ARRB1: variants seen among roughly 807,000 people sequenced by gnomAD.
ARRB1 encodes the protein beta-arrestin-1.
ARRB1 carries 21 observed loss-of-function variants against 56.8 expected under a neutral mutation model. The ratio of observed to expected loss-of-function variants is 0.37; its 90% CI spans 0.26 to 0.53. ARRB1 has a LOEUF of 0.53. Among genes scored for constraint, ARRB1 ranks in the 20% least tolerant of loss-of-function variants. The pLI is 0.88. For synonymous variants in ARRB1, 210 were observed against 218.6 expected (o/e 0.96, Z 0.35); for missense variants, 424 against 553.7 (o/e 0.77, Z 2.35).
intron 1 of ARRB1, among the ~76,000 whole-genome samples, chr11:75,311,226 C>T (rs1446926449): frequency 6.6e-6 from 1 of 152,172 alleles, no homozygotes; most frequent in African/African-American, 2.4e-5. Flanking sequence ...ATCCCAGCTA[C>T]TTGGGAAGCT....
At chr11:75,305,003 T>C (rs1027444092) in intron 1 of ARRB1, among the ~76,000 whole-genome samples, 1 of 143,172 alleles carries the variant, frequency 7.0e-6, no homozygotes, top group Non-Finnish European at 1.5e-5. Context: ...TTCTTTTCTT[T>C]TCTTTTCTTT....
intron 1 of ARRB1, among the ~76,000 whole-genome samples, chr11:75,301,245 G>A (rs1946898175): frequency 6.6e-6 from 1 of 152,188 alleles, no homozygotes. Flanking sequence ...GAGGCCTGGA[G>A]AGGGCAACTG....
Position 75,272,427 on chromosome 11 carries a change from G to A in ARRB1, c.998+468C>T, listed in dbSNP as rs565452942. ...TGTCTGGGCCTCTGTTTCACCATCT[G>A]TAAAATGGGAAAGCTGACTAGCAAA... On this transcript the variant is annotated intron_variant, in intron 12 of 15. Transcript: ENST00000420843. Among the ~76,000 whole-genome samples the A allele has an allele frequency of 2.0e-5, 3 of 152,356 alleles. No individual in the cohort carries two copies. In the South Asian group the frequency reaches 6.2e-4, roughly 32 times the overall value.
At chr11:75,297,778 T>C (rs992740461) in intron 1 of ARRB1, among the ~76,000 whole-genome samples, 8 of 138,446 alleles carry the variant, frequency 5.8e-5, no homozygotes, top group African/African-American at 1.7e-4. Flanking sequence ...GGCAGGAGAA[T>C]CGCTTGAACC....
At chr11:75,330,723 C>A (rs1479545227) in intron 1 of ARRB1, among the ~76,000 whole-genome samples, 4 of 152,156 alleles carry the variant, frequency 2.6e-5, no homozygotes, top group African/African-American at 9.7e-5. Flanking sequence ...AAAAATAGCA[C>A]CTGGCATCAT....
intron 6 of ARRB1, 116 bp from the exon 7 acceptor site, chr11:75,281,258 C>T (rs1946330100): frequency 3.1e-6 from 3 of 981,562 alleles, no homozygotes; most frequent in Admixed American, 4.1e-5. Context: ...CAAGCTCCCA[C>T]AGCCCAGCCT....
chr11:75,323,205 C>T (rs1394854000), intron 1 of ARRB1, among the ~76,000 whole-genome samples: 1 of 152,236 alleles, frequency 6.6e-6, no homozygotes, highest in African/African-American at 2.4e-5. Context: ...GAGCTCTTCC[C>T]AAACTCCTGA....
At chr11:75,292,052 T>G (rs1379575000) in intron 1 of ARRB1, among the ~76,000 whole-genome samples, 1 of 152,220 alleles carries the variant, frequency 6.6e-6, no homozygotes, top group Admixed American at 6.5e-5. Flanking sequence ...CTGATGAGTG[T>G]GAGCATGGCT....
rs1394290761 is a variant in ARRB1, at chr11:75,274,187, C to T, written c.801G>A (p.Thr267=). Reference sequence around the variant, plus strand: ...GGGTCAGTGTGTAGACCTTGCAGAACGTCGAGCTGGGTGCCACAGTGTCAC... The same window carrying T: ...GGGTCAGTGTGTAGACCTTGCAGAATGTCGAGCTGGGTGCCACAGTGTCAC... ...EADDTVAPSS[T]FCKVYTLTPF... The change falls in exon 11 of 16, where the codon ACG becomes ACA. Residue 267 remains threonine (T), a synonymous_variant. Transcript: ENST00000420843. 1.2e-5 allele frequency: 20 copies of T among 1,614,182 alleles called. No homozygotes were observed. Among genetic ancestry groups the T allele is most frequent in the East Asian group, 2.2e-5 (1 of 44,866 alleles).
chr11:75,302,498 C>G (rs1417036752), intron 1 of ARRB1, among the ~76,000 whole-genome samples: 2 of 152,206 alleles, frequency 1.3e-5, no homozygotes, highest in African/African-American at 4.8e-5. Context: ...AAAGAGCCCA[C>G]AGACTGCGCC....
At chr11:75,304,646 T>C (rs1447376224) in intron 1 of ARRB1, among the ~76,000 whole-genome samples, 1 of 151,340 alleles carries the variant, frequency 6.6e-6, no homozygotes, top group Non-Finnish European at 1.5e-5. Context: ...CTGTCATGAT[T>C]TGGGGAAGAG....
intron 1 of ARRB1, among the ~76,000 whole-genome samples, chr11:75,307,740 A>T (rs866070796): frequency 6.6e-6 from 1 of 151,420 alleles, no homozygotes; most frequent in African/African-American, 2.4e-5. Flanking sequence ...TCCCACTCCA[A>T]CTCCCCATTT....
chr11:75,282,752 G>GTGAC (rs1301503904), intron 5 of ARRB1, among the ~76,000 whole-genome samples: 1 of 152,188 alleles, frequency 6.6e-6, no homozygotes, highest in Admixed American at 6.5e-5. Flanking sequence ...CGTAGAAAAG[G>GTGAC]TGACTCCATG....
intron 1 of ARRB1, among the ~76,000 whole-genome samples, chr11:75,338,289 G>T (rs117147721): frequency 0.017 from 2,641 of 152,290 alleles, 34 homozygotes; most frequent in Middle Eastern, 0.095. Flanking sequence ...GGACTGAGCA[G>T]AAAGACAGCA....
intron 1 of ARRB1, among the ~76,000 whole-genome samples, chr11:75,321,231 C>A (rs1021018631): frequency 3.3e-5 from 5 of 151,760 alleles, no homozygotes; most frequent in African/African-American, 1.2e-4. Context: ...AAATCCCACC[C>A]CACGTGGAAG....
chr11:75,351,621 C>T lies in ARRB1; in HGVS notation c.-14G>A, dbSNP rs759408625. On this transcript the variant is annotated 5_prime_UTR_variant, in exon 1 of 16. Transcript: ENST00000420843. ...TTTGTCGCCCATGGTCCGCGACGGTCGCAGGGAGGTCCGCGGCGTCAGCGC... is the reference window on the plus strand; with the variant it reads ...TTTGTCGCCCATGGTCCGCGACGGTTGCAGGGAGGTCCGCGGCGTCAGCGC... The T allele has an allele frequency of 2.1e-6, 3 of 1,405,492 alleles. No homozygotes were observed. Among genetic ancestry groups the T allele is most frequent in the Non-Finnish European group, 2.8e-6 (3 of 1,077,848 alleles). 87.1% of individuals were successfully genotyped at this position (1,405,492 alleles called of 1,614,324 possible). A position where few individuals can be genotyped will look rare whatever the true frequency, so the allele number is the denominator to read the frequency against.
intron 1 of ARRB1, among the ~76,000 whole-genome samples, chr11:75,292,868 C>G (rs1273439878): frequency 6.6e-6 from 1 of 152,164 alleles, no homozygotes; most frequent in African/African-American, 2.4e-5. Context: ...AGGTAATTAG[C>G]TCAAGGCTCA....
chr11:75,335,135 A>G, intron 1 of ARRB1: 1 of 252,714 alleles, frequency 4.0e-6, no homozygotes, highest in South Asian at 3.8e-5. Context: ...AGGCGATCTG[A>G]GCACCACCCG....
Position 75,282,107 on chromosome 11 carries a change from C to T in ARRB1, c.355-86G>A, listed in dbSNP as rs1946356784. On this transcript the variant is annotated intron_variant, in intron 5 of 15. Transcript: ENST00000420843. Reference sequence around the variant, plus strand: ...TTGCAGCCCAGACACTCCCATACACCCATCAGACCAAGGGCCCCAGGGGAC... The same window carrying T: ...TTGCAGCCCAGACACTCCCATACACTCATCAGACCAAGGGCCCCAGGGGAC... 1.1e-5 allele frequency: 16 copies of T among 1,440,896 alleles called. No individual in the cohort carries two copies. The South Asian group carries it at 1.9e-4, about 17-fold the overall frequency. 89.3% of individuals were successfully genotyped at this position (1,440,896 alleles called of 1,614,324 possible).
Sources: allele counts gnomAD v4.1 joint callset (sites outside exome capture counted in the v4.1 genomes callset), GRCh38; gene constraint gnomAD v4.1.1; transcripts MANE v1.5; gene names NCBI Gene and HGNC (gene_info 2026-07-23, HGNC 2026-07-21).